The following SLC25A40 variants were observed in gnomAD, a reference collection of about 807,000 sequenced individuals.
SLC25A40 encodes the protein mitochondrial glutathione transporter SLC25A40.
In SLC25A40, 41 loss-of-function variants were observed where a neutral mutation model predicts 46.5. That is an observed-to-expected ratio of 0.88 (90% confidence interval 0.69 to 1.14). The LOEUF (loss-of-function observed/expected upper bound fraction) is 1.14, where lower values mean the gene tolerates loss of function less well. SLC25A40 is among the 50% of genes most tolerant of loss of function. The pLI is 0.00. For missense variants in SLC25A40, 386 were observed against 393.6 expected, an observed-to-expected ratio of 0.98 and a Z score of 0.16; for synonymous variants, 126 against 127.5, an observed-to-expected ratio of 0.99 and a Z score of 0.08.
At chr7:87,853,368 A>G (rs1210710213) in intron 5 of SLC25A40, among the ~76,000 whole-genome samples, 3 of 152,250 alleles carry the variant, frequency 2.0e-5, no homozygotes, top group Non-Finnish European at 2.9e-5. Context: ...TCAGTCACAC[A>G]GTGCTAATGA....
At chr7:87,869,908 C>T (rs1366756513) in intron 1 of SLC25A40, among the ~76,000 whole-genome samples, 2 of 152,184 alleles carry the variant, frequency 1.3e-5, no homozygotes, top group African/African-American at 4.8e-5. Flanking sequence ...CCATTTTACA[C>T]ACCCACCAGC....
At chr7:87,847,187 C>A in intron 7 of SLC25A40, 65 bp from the exon 8 acceptor site, 1 of 1,179,392 alleles carries the variant, frequency 8.5e-7, no homozygotes. Context: ...AACACATATA[C>A]TGTAAAAATT....
chr7:87,845,188 C>T (rs546491995), intron 8 of SLC25A40, among the ~76,000 whole-genome samples: 150 of 152,226 alleles, frequency 9.9e-4, no homozygotes, highest in African/African-American at 3.1e-3. Flanking sequence ...AAACATTAAC[C>T]AGCGAAACAG....
At chr7:87,857,537 CCTGAATGGAGGGA>C (rs1239373763) in intron 3 of SLC25A40, among the ~76,000 whole-genome samples, 2 of 152,090 alleles carry the variant, frequency 1.3e-5, no homozygotes, top group Non-Finnish European at 2.9e-5. Context: ...AGTCAGGGAT[CCTGAATGGAGGGA>C]CCAGGTGGAG....
rs1838241099 is a variant in SLC25A40 at position 87,835,346 on chromosome 7, TAGCA to T, written c.*899_*902del. 6.6e-6 allele frequency: 1 copy of T among 151,680 alleles called. No individual in the cohort carries two copies. The highest frequency in any genetic ancestry group is 2.1e-4 in the South Asian group (1 of 4,832). 9.4% of individuals were successfully genotyped at this position (151,680 alleles called of 1,614,324 possible). On this transcript the variant is annotated 3_prime_UTR_variant, in exon 12 of 12. Coordinates refer to ENST00000341119, the MANE Select transcript of SLC25A40 (RefSeq NM_018843.4). ...TAGAAATATCTTGTAACTATTGTTG[TAGCA>T]ATAATCTGTCTTGTTAGAACAACAC...
chr7:87,847,105 TCA>T lies in SLC25A40; in HGVS notation c.473_474del (p.Val158AspfsTer8), dbSNP rs774734564. Reference sequence around the variant, plus strand: ...GTTCTAATCAATTCTAGTGGACTTATCACAGTTACTGCACCAACTAATACAAA... The same window carrying T: ...GTTCTAATCAATTCTAGTGGACTTATCAGTTACTGCACCAACTAATACAAA... Reference protein sequence around the residue: ...GIVARFGAVTVISPLELIRTK... With the variant: ...GIVARFGAVTXISPLELIRTK... On this transcript the variant is annotated frameshift_variant, in exon 8 of 12. Transcript: ENST00000341119. LOFTEE classifies it high-confidence loss of function. 1 of 1,609,710 alleles carries T rather than the reference TCA, an allele frequency of 6.2e-7. No individual in the cohort carries two copies. The highest frequency in any genetic ancestry group is 1.1e-5 in the South Asian group (1 of 90,672).
intron 5 of SLC25A40, among the ~76,000 whole-genome samples, chr7:87,852,621 T>A (rs1203001186): frequency 6.6e-6 from 1 of 152,148 alleles, no homozygotes; most frequent in African/African-American, 2.4e-5. Flanking sequence ...GTGTACCTAA[T>A]TTCAAGACTT....
In SLC25A40 at chr7:87,836,305, A is replaced by G; in HGVS notation, c.961T>C (p.Tyr321His). The change falls in exon 12 of 12, where the codon TAT (tyrosine) becomes CAT (histidine). Residue 321 changes from tyrosine (Y) to histidine (H), a missense_variant. Physicochemically the swap from Tyr to His is moderately conservative, Grantham distance 83 (BLOSUM62 2). Transcript: ENST00000341119. ...TGGAAAAAAGCCTTTCCAAATTCATATGTACTGATCATAATGGCACAAGCA... is the reference window on the plus strand; with the variant it reads ...TGGAAAAAAGCCTTTCCAAATTCATGTGTACTGATCATAATGGCACAAGCA... ...APACAIMIST[Y>H]EFGKAFFQKQ... 6.3e-7 allele frequency: 1 copy of G among 1,585,398 alleles called. No individual in the cohort carries two copies. The highest frequency in any genetic ancestry group is 8.6e-7 in the Non-Finnish European group (1 of 1,168,966).
intron 6 of SLC25A40, 135 bp from the exon 7 acceptor site, chr7:87,848,112 C>A (rs1421342729): frequency 4.1e-6 from 4 of 968,366 alleles, no homozygotes; most frequent in Non-Finnish European, 5.7e-6. Context: ...ATAAATCAGC[C>A]TATGAGATCA....
intron 1 of SLC25A40, among the ~76,000 whole-genome samples, chr7:87,870,354 A>G (rs755039021): frequency 6.6e-6 from 1 of 152,106 alleles, no homozygotes; most frequent in African/African-American, 2.4e-5. Context: ...CAAAAATGAT[A>G]AAACGTCACT....
chr7:87,852,945 G>A (rs560728769), intron 5 of SLC25A40, among the ~76,000 whole-genome samples: 2 of 152,102 alleles, frequency 1.3e-5, no homozygotes, highest in Non-Finnish European at 2.9e-5. Context: ...AAAGCTCTTA[G>A]CCTTGATACC....
At chr7:87,837,230 T>C (rs1428294731) in intron 10 of SLC25A40, 1 of 150,738 alleles carries the variant, frequency 6.6e-6, no homozygotes, top group African/African-American at 2.4e-5. Context: ...CAGCCTGGTC[T>C]TGAACTCTTA....
intron 1 of SLC25A40, among the ~76,000 whole-genome samples, chr7:87,875,532 C>T (rs987340478): frequency 2.0e-5 from 3 of 151,762 alleles, no homozygotes; most frequent in Non-Finnish European, 1.5e-5. Flanking sequence ...TATCCTCTTC[C>T]TCCTGAAGAA....
intron 8 of SLC25A40, 114 bp from the exon 9 acceptor site, chr7:87,843,977 C>T: frequency 7.4e-7 from 1 of 1,351,160 alleles, no homozygotes; most frequent in Non-Finnish European, 9.5e-7. Flanking sequence ...CTTGACATAC[C>T]TTGCTTTCTA....
intron 7 of SLC25A40, among the ~76,000 whole-genome samples, chr7:87,847,563 T>G (rs576244075): frequency 1.3e-5 from 2 of 152,186 alleles, no homozygotes; most frequent in Admixed American, 1.3e-4. Context: ...TCACGCATGA[T>G]CCCAGATGAC....
intron 1 of SLC25A40, among the ~76,000 whole-genome samples, chr7:87,863,967 C>T (rs187266838): frequency 2.2e-4 from 33 of 152,204 alleles, no homozygotes; most frequent in East Asian, 5.8e-4. Flanking sequence ...TTTCTCTGTC[C>T]GGCTTATTTC....
chr7:87,847,756 T>C, intron 7 of SLC25A40, 97 bp downstream of exon 7: 1 of 1,195,240 alleles, frequency 8.4e-7, no homozygotes, highest in South Asian at 1.7e-5. Flanking sequence ...TATATCATAC[T>C]AATACTCTAT....
chr7:87,873,494 G>A (rs1390022958), intron 1 of SLC25A40, among the ~76,000 whole-genome samples: 9 of 148,576 alleles, frequency 6.1e-5, no homozygotes, highest in Admixed American at 1.3e-4. Context: ...GTGCAGTGGC[G>A]CAATTTCCGC....
chr7:87,861,401 T>A (rs1838697118), intron 1 of SLC25A40, among the ~76,000 whole-genome samples: 1 of 152,220 alleles, frequency 6.6e-6, no homozygotes, highest in Admixed American at 6.5e-5. Context: ...TCATTTTGTA[T>A]ACAGAAAGTA....
Sources: gnomAD v4.1 joint callset for allele counts (sites outside exome capture counted in the v4.1 genomes callset) on GRCh38, gnomAD v4.1.1 for gene constraint, MANE v1.5 for transcripts, NCBI Gene and HGNC (gene_info 2026-07-23, HGNC 2026-07-21) for gene names.